Variants in UST observed in about 807,000 individuals in gnomAD.
UST encodes uronyl 2-sulfotransferase.
A neutral mutation model predicts 45.6 loss-of-function variants in UST; 21 were observed. That is an observed-to-expected ratio of 0.46 (90% CI 0.33 to 0.66). The LOEUF is 0.66. Among genes scored for constraint, UST ranks in the 30% least tolerant of loss-of-function variants. The pLI is 0.02. For synonymous variants in UST, 215 were observed against 200.6 expected (o/e 1.07, Z -0.61); for missense variants, 463 against 512.4 (o/e 0.90, Z 0.93).
At chr6:148,972,121 C>T (rs1780929833) in intron 5 of UST, among the ~76,000 whole-genome samples, 1 of 152,160 alleles carries the variant, frequency 6.6e-6, no homozygotes, top group South Asian at 2.1e-4. Flanking sequence ...ACTTGAAAAG[C>T]TTAATACCAA....
chr6:148,810,512 A>G (rs906348349), intron 1 of UST, among the ~76,000 whole-genome samples: 2 of 152,226 alleles, frequency 1.3e-5, no homozygotes, highest in African/African-American at 2.4e-5. Flanking sequence ...TGCCATGCAC[A>G]TAATTACTGC....
intron 1 of UST, among the ~76,000 whole-genome samples, chr6:148,781,485 G>A (rs1178399289): frequency 6.6e-6 from 1 of 152,228 alleles, no homozygotes; most frequent in Non-Finnish European, 1.5e-5. Flanking sequence ...GAAGTTTAAT[G>A]AAAGAAGCTG....
At chr6:148,799,875 AAGT>A (rs1453658889) in intron 1 of UST, among the ~76,000 whole-genome samples, 2 of 152,074 alleles carry the variant, frequency 1.3e-5, no homozygotes, top group African/African-American at 4.8e-5. Context: ...CTGTATGGGG[AAGT>A]AGAATTAGAA....
At chr6:148,851,321 CTGA>C (rs1427113348) in intron 1 of UST, among the ~76,000 whole-genome samples, 1 of 152,040 alleles carries the variant, frequency 6.6e-6, no homozygotes, top group African/African-American at 2.4e-5. Context: ...ATAGTTTTTA[CTGA>C]TGATAAAATG....
At chr6:148,796,797 CTTT>C (rs1195878764) in intron 1 of UST, among the ~76,000 whole-genome samples, 8,112 of 71,820 alleles carry the variant, frequency 0.11, 190 homozygotes, top group East Asian at 0.24. Context: ...TCTGATAATT[CTTT>C]TTTTTTTTTT....
intron 1 of UST, among the ~76,000 whole-genome samples, chr6:148,825,101 C>T (rs1777546121): frequency 6.6e-6 from 1 of 152,042 alleles, no homozygotes; most frequent in African/African-American, 2.4e-5. Context: ...TCCTGGGTCA[C>T]TTGAATCATG....
intron 4 of UST, among the ~76,000 whole-genome samples, chr6:148,955,284 C>A (rs953618683): frequency 6.6e-5 from 10 of 152,238 alleles, no homozygotes; most frequent in African/African-American, 2.4e-4. Context: ...GACAACCCAC[C>A]TGGCTGGAAG....
intron 1 of UST, among the ~76,000 whole-genome samples, chr6:148,883,681 C>T (rs186265004): frequency 8.5e-5 from 13 of 152,188 alleles, no homozygotes; most frequent in South Asian, 8.3e-4. Flanking sequence ...GAGATAGATA[C>T]GGAGAAATTA....
intron 1 of UST, among the ~76,000 whole-genome samples, chr6:148,848,174 A>G (rs1377109999): frequency 6.6e-6 from 1 of 152,176 alleles, no homozygotes. Context: ...CAAACAAAAT[A>G]TTTTACTTGT....
chr6:149,002,642 G>A (rs893089247), intron 5 of UST, among the ~76,000 whole-genome samples: 2 of 152,074 alleles, frequency 1.3e-5, no homozygotes, highest in African/African-American at 4.8e-5. Flanking sequence ...GAGTAGCTGG[G>A]ACTACAGGCA....
rs1402009384 is a variant in UST at position 148,953,923 on chromosome 6, C to T, written c.499C>T (p.Arg167Ter). ...TGCCGAACAACCCTATTTATTCACT[C>T]GACATGTTCATTTCCTCAACTTCTC... ...STAEQPYLFT[R>*]HVHFLNFSRF... Residue 167 changes from arginine to a stop codon, truncating the protein, a stop_gained, in exon 4 of 8, where the codon CGA (arginine) becomes TGA (stop). Transcript: ENST00000367463. LOFTEE classifies it high-confidence loss of function. 9 of 1,608,438 alleles carry T rather than the reference C, an allele frequency of 5.6e-6. No homozygotes were observed. The highest frequency in any genetic ancestry group is 1.3e-5 in the African/African-American group (1 of 74,530).
intron 1 of UST, among the ~76,000 whole-genome samples, chr6:148,865,427 G>A (rs913103637): frequency 2.0e-5 from 3 of 152,150 alleles, no homozygotes; most frequent in Non-Finnish European, 4.4e-5. Context: ...GTCCAATTTT[G>A]TGATCAGAGG....
rs183359027 is a variant in UST at position 148,801,512 on chromosome 6, C to T, written c.247+53835C>T. On this transcript the variant is annotated intron_variant, in intron 1 of 7. Transcript: ENST00000367463. ...TTTTTTCTTTCTTTCTTTTTCTACCCAGAGCCCATAATGAGGCCAGCATCC... is the reference window on the plus strand; with the variant it reads ...TTTTTTCTTTCTTTCTTTTTCTACCTAGAGCCCATAATGAGGCCAGCATCC... Among the ~76,000 whole-genome samples the T allele has an allele frequency of 2.0e-5, 3 of 152,170 alleles. No homozygotes were observed. In the East Asian group the frequency reaches 5.8e-4, roughly 29 times the overall value.
chr6:148,881,754 C>T lies in UST; in HGVS notation c.248-5232C>T, dbSNP rs1005205048. ...TGACAAGGCAGAGTAGCCAGAAGCTCCTTTGATGCCTGGGAGCCTCTCCAA... is the reference window on the plus strand; with the variant it reads ...TGACAAGGCAGAGTAGCCAGAAGCTTCTTTGATGCCTGGGAGCCTCTCCAA... On this transcript the variant is annotated intron_variant, in intron 1 of 7. Coordinates refer to ENST00000367463, the MANE Select transcript of UST (RefSeq NM_005715.3). 2.6e-5 allele frequency among the ~76,000 whole-genome samples: 4 copies of T among 152,176 alleles called. No homozygotes were observed. In the East Asian group the frequency reaches 7.7e-4, roughly 29 times the overall value.
intron 5 of UST, chr6:148,990,429 G>C: frequency 1.0e-6 from 1 of 985,086 alleles, no homozygotes; most frequent in Non-Finnish European, 1.2e-6. Flanking sequence ...TTCATGATAA[G>C]GTAACTAGAT....
At chr6:148,982,330 C>T (rs1310324476) in intron 5 of UST, among the ~76,000 whole-genome samples, 9 of 152,190 alleles carry the variant, frequency 5.9e-5, no homozygotes, top group Middle Eastern at 3.4e-3. Context: ...AACACTTGAC[C>T]TCAAATGATC....
At chr6:149,003,629 G>A (rs977203043) in intron 5 of UST, among the ~76,000 whole-genome samples, 5 of 152,170 alleles carry the variant, frequency 3.3e-5, no homozygotes, top group African/African-American at 7.2e-5. Flanking sequence ...TTTTACCTTC[G>A]AAAATGTTTG....
intron 5 of UST, among the ~76,000 whole-genome samples, chr6:148,965,577 G>C (rs1032101742): frequency 2.0e-5 from 3 of 152,232 alleles, no homozygotes; most frequent in African/African-American, 7.2e-5. Flanking sequence ...CAGGACGGCT[G>C]CTTCCTCATC....
intron 2 of UST, among the ~76,000 whole-genome samples, chr6:148,917,744 A>G (rs1266861495): frequency 6.6e-6 from 1 of 152,190 alleles, no homozygotes; most frequent in African/African-American, 2.4e-5. Context: ...CATCTCCCAC[A>G]GGGGATGTGA....
Sources: allele counts gnomAD v4.1 joint callset (sites outside exome capture counted in the v4.1 genomes callset), GRCh38; gene constraint gnomAD v4.1.1; transcripts MANE v1.5; gene names NCBI Gene and HGNC (gene_info 2026-07-23, HGNC 2026-07-21).